The following MAP3K14 variants were observed in gnomAD, a reference collection of about 807,000 sequenced individuals.
MAP3K14 encodes the protein mitogen-activated protein kinase kinase kinase 14.
In MAP3K14, 16 loss-of-function variants were observed where a neutral mutation model predicts 99.2. The observed-to-expected ratio is 0.16, with a 90% CI of 0.11 to 0.24. The LOEUF is 0.24. Among genes scored for constraint, MAP3K14 ranks in the 10% least tolerant of loss-of-function variants. The pLI, the probability that MAP3K14 is intolerant of heterozygous loss-of-function variation, is 1.00. For synonymous variants in MAP3K14, 462 were observed against 492.4 expected (o/e 0.94, Z 0.82); for missense variants, 784 against 1,208.7 (o/e 0.65, Z 5.21).
intron 3 of MAP3K14, among the ~76,000 whole-genome samples, chr17:45,288,813 G>A (rs960669108): frequency 1.3e-5 from 2 of 151,852 alleles, no homozygotes; most frequent in Non-Finnish European, 2.9e-5. Flanking sequence ...ATCCCTACTC[G>A]GTGCATCTCC....
In MAP3K14 at chr17:45,267,953, C is replaced by T. The variant is rs2044109099; in HGVS notation, c.1973-194G>A. ...CAGGAGACTTCCTCAATAAAATGGT[C>T]CCAATATGACAGGGATAGGACTGGA... On this transcript the variant is annotated intron_variant, in intron 11 of 15. Transcript: ENST00000344686. This position sits in a 1 kb window ranked among gnomAD's most constrained non-coding sequence, Gnocchi z 5.1. 3.7e-6 allele frequency: 2 copies of T among 544,704 alleles called. No homozygotes were observed. Among genetic ancestry groups the T allele is most frequent in the East Asian group, 6.5e-5 (2 of 30,638 alleles). The allele number at this position is 544,704 out of a possible 1,614,324, so 33.7% of individuals were successfully genotyped here.
Position 45,287,166 on chromosome 17 carries a change from G to A in MAP3K14, c.525C>T (p.Thr175=), listed in dbSNP as rs759581143. ...LPRTPEQESC[T]IPVQEDESPL... ...TGGAGGGTCTCACCTGCACTGGGAT[G>A]GTGCAGCTCTCCTGCTCAGGGGTCC... Residue 175 remains threonine, a synonymous_variant, in exon 4 of 16, where the codon ACC becomes ACT. Coordinates refer to ENST00000344686, the MANE Select transcript of MAP3K14 (RefSeq NM_003954.5). The A allele has an allele frequency of 3.1e-6, 5 of 1,613,612 alleles. No individual in the cohort carries two copies. The South Asian group carries it at 5.5e-5, about 18-fold the overall frequency.
At chr17:45,285,077 G>T in intron 5 of MAP3K14, 128 bp from the exon 6 acceptor site, 1 of 1,031,782 alleles carries the variant, frequency 9.7e-7, no homozygotes. Context: ...TCACAACCAG[G>T]CAGCCCTGGG....
rs1053185139 is a variant in MAP3K14 at position 45,264,088 on chromosome 17, C to T, written c.*548G>A. 2.0e-5 allele frequency: 3 copies of T among 152,460 alleles called. No homozygotes were observed. Among genetic ancestry groups the T allele is most frequent in the African/African-American group, 7.2e-5 (3 of 41,458 alleles). The allele number at this position is 152,460 out of a possible 1,614,324, so 9.4% of individuals were successfully genotyped here. A position where few individuals can be genotyped will look rare whatever the true frequency, so the allele number is the denominator to read the frequency against. On this transcript the variant is annotated 3_prime_UTR_variant, in exon 16 of 16. Transcript: ENST00000344686. ...CAGGGTCAGGCATTCTTTTCCCCTA[C>T]ACCCAAAAGGGGTGAGCTGGCCAGG...
intron 6 of MAP3K14, among the ~76,000 whole-genome samples, chr17:45,277,501 G>A (rs185505483): frequency 6.6e-6 from 1 of 152,256 alleles, no homozygotes; most frequent in East Asian, 1.9e-4. Context: ...CGCCCTTCTG[G>A]TTCCCTAATA....
chr17:45,275,007 C>T (rs1365823446), intron 6 of MAP3K14, among the ~76,000 whole-genome samples: 4 of 151,630 alleles, frequency 2.6e-5, no homozygotes, highest in African/African-American at 4.9e-5. Flanking sequence ...GGCGTGGCGG[C>T]GGGTGCCTGT....
chr17:45,311,026 T>A (rs1034366178), intron 1 of MAP3K14, among the ~76,000 whole-genome samples: 2 of 152,152 alleles, frequency 1.3e-5, no homozygotes, highest in African/African-American at 4.8e-5. Context: ...AAAAAAATCC[T>A]GCTTCAGGAT....
chr17:45,296,397 C>G (rs879512290), intron 1 of MAP3K14, among the ~76,000 whole-genome samples: 1 of 152,042 alleles, frequency 6.6e-6, no homozygotes. Context: ...TGGTGGCACA[C>G]GCCTGTAGTC....
Position 45,290,659 on chromosome 17 carries a change from C to T in MAP3K14, c.87G>A (p.Thr29=), listed in dbSNP as rs191832585. ...AGCTCTGTTTCTTCCCCAGTGGCGG[C>T]GTCTTCTCCTTGGCTTTGGGGAGTT... ...QKELPKAKEK[T]PPLGKKQSSV... The change falls in exon 2 of 16, where the codon ACG becomes ACA. Residue 29 remains threonine, a synonymous_variant. Transcript: ENST00000344686. 66 of 1,613,464 alleles carry T rather than the reference C, an allele frequency of 4.1e-5. No homozygotes were observed. Among genetic ancestry groups the T allele is most frequent in the African/African-American group, 6.7e-5 (5 of 74,892 alleles).
intron 1 of MAP3K14, among the ~76,000 whole-genome samples, chr17:45,303,536 G>C (rs369833997): frequency 6.6e-6 from 1 of 152,084 alleles, no homozygotes; most frequent in African/African-American, 2.4e-5. Flanking sequence ...ACCCCAGCTT[G>C]GGCAACAGAG....
At chr17:45,276,396 C>T (rs16939943) in intron 6 of MAP3K14, among the ~76,000 whole-genome samples, 24,411 of 152,196 alleles carry the variant, frequency 0.16, 2,088 homozygotes, top group African/African-American at 0.21. Context: ...CTGGGTAGAG[C>T]AAGGATTTGG....
At chr17:45,310,857 T>C (rs1234466658) in intron 1 of MAP3K14, among the ~76,000 whole-genome samples, 1 of 152,224 alleles carries the variant, frequency 6.6e-6, no homozygotes, top group African/African-American at 2.4e-5. Context: ...AACCTCATGG[T>C]ATAAGACAGC....
chr17:45,274,274 G>C lies in MAP3K14; in HGVS notation c.1421-20C>G, dbSNP rs941185032. On this transcript the variant is annotated intron_variant, in intron 7 of 15. Transcript: ENST00000344686. ...AGCCACCTAGGAGACCAAAGGCCAG[G>C]CTATACATGGGACTTGCCCGAGCCT... 6.3e-7 allele frequency: 1 copy of C among 1,596,222 alleles called. No homozygotes were observed. The highest frequency in any genetic ancestry group is 1.7e-5 in the Admixed American group (1 of 57,340).
At chr17:45,296,010 T>C (rs1299122271) in intron 1 of MAP3K14, among the ~76,000 whole-genome samples, 1 of 152,200 alleles carries the variant, frequency 6.6e-6, no homozygotes, top group African/African-American at 2.4e-5. Context: ...AGCTTGAAAA[T>C]GTCTACAAGG....
chr17:45,305,454 GGT>G (rs971901593), intron 1 of MAP3K14, among the ~76,000 whole-genome samples: 9 of 148,360 alleles, frequency 6.1e-5, no homozygotes, highest in Non-Finnish European at 1.0e-4. Context: ...GGAGTGCAGT[GGT>G]GTGATCTTGG....
chr17:45,267,629 C>T lies in MAP3K14; in HGVS notation c.2103G>A (p.Arg701=), dbSNP rs372554542. The T allele has an allele frequency of 5.6e-6, 9 of 1,613,334 alleles. No homozygotes were observed. In the African/African-American group the frequency reaches 1.1e-4, roughly 19 times the overall value. The part of the protein sequence containing the change: ...RELSPRAPGP[R]PAEETTGRAP... The stretch of plus-strand genomic sequence containing the variant: ...CTCTGCCTGTTGTCTCCTCAGCTGG[C>T]CGGGGCCCTGGGGCCCTTGGCGAAA... The change falls in exon 12 of 16, where the codon CGG becomes CGA. Residue 701 remains arginine (R), a synonymous_variant. Transcript: ENST00000344686. The surrounding 1 kb of genome is among the most constrained non-coding windows in gnomAD (Gnocchi z 5.1).
intron 1 of MAP3K14, among the ~76,000 whole-genome samples, chr17:45,297,480 G>A (rs2044354511): frequency 6.6e-6 from 1 of 152,118 alleles, no homozygotes; most frequent in Non-Finnish European, 1.5e-5. Context: ...TTAACTTGAT[G>A]GTTTTAACAG....
chr17:45,284,162 A>G (rs563460811), intron 6 of MAP3K14, among the ~76,000 whole-genome samples: 2 of 152,326 alleles, frequency 1.3e-5, no homozygotes, highest in South Asian at 4.1e-4. Context: ...AAACTCTAGG[A>G]CAAGAAGTCT....
intron 6 of MAP3K14, among the ~76,000 whole-genome samples, chr17:45,280,888 G>A (rs997483449): frequency 6.6e-6 from 1 of 152,232 alleles, no homozygotes; most frequent in Admixed American, 6.5e-5. Context: ...TGGGATTACA[G>A]GCGTGAGCTA....
Sources: gnomAD v4.1 joint callset for allele counts (sites outside exome capture counted in the v4.1 genomes callset) on GRCh38, gnomAD v4.1.1 for gene constraint, Gnocchi (gnomAD v3.1) non-coding constraint, MANE v1.5 for transcripts, NCBI Gene and HGNC (gene_info 2026-07-23, HGNC 2026-07-21) for gene names.